NUP58: variants seen among roughly 807,000 people sequenced by gnomAD.
The protein encoded by NUP58 is nucleoporin p58/p45.
Under a neutral mutation model 70.1 loss-of-function variants are expected in NUP58, and 17 were observed. That is an observed-to-expected ratio of 0.24 (90% CI 0.17 to 0.36). The LOEUF (loss-of-function observed/expected upper bound fraction) is 0.36. Ranked by LOEUF, NUP58 falls within the 10% of genes least tolerant of loss-of-function variation. The probability of loss-of-function intolerance (pLI) is 1.00; values close to 1 mark genes in which losing one functional copy is unlikely to be tolerated. For missense variants in NUP58, 644 were observed against 701.5 expected, an observed-to-expected ratio of 0.92 and a Z score of 0.93; for synonymous variants, 275 against 257.6, an observed-to-expected ratio of 1.07 and a Z score of -0.65.
chr13:25,310,486 C>T (rs1460284138), intron 3 of NUP58, among the ~76,000 whole-genome samples: 3 of 144,030 alleles, frequency 2.1e-5, no homozygotes, highest in Non-Finnish European at 4.5e-5. Flanking sequence ...TTCCGAAGTG[C>T]TGGGATTACA....
intron 1 of NUP58, among the ~76,000 whole-genome samples, chr13:25,305,810 G>A (rs1453673440): frequency 6.6e-6 from 1 of 151,844 alleles, no homozygotes; most frequent in Non-Finnish European, 1.5e-5. Context: ...TTTCCTCCTT[G>A]TCTCCCAGTG....
At position 25,321,027 on chromosome 13, in the gene NUP58, G is replaced by T. The variant is rs144757090; in HGVS notation, c.885G>T (p.Ser295=). ...TTAAAGCTCTGAAGCAGCTCCTGTC[G>T]TTGGCTGCCAATGGAATACAGAGAA... The part of the protein sequence containing the change: ...EDIKALKQLL[S]LAANGIQRNT... Residue 295 remains serine (S), a synonymous_variant, in exon 9 of 16, where the codon TCG becomes TCT. Transcript: ENST00000381736. 6.2e-7 allele frequency: 1 copy of T among 1,600,568 alleles called. No individual in the cohort carries two copies. The highest frequency in any genetic ancestry group is 2.3e-5 in the East Asian group (1 of 43,910).
In NUP58 at chr13:25,331,390, A is replaced by G. The variant is rs1278125429; in HGVS notation, c.1267A>G (p.Met423Val). ...LKEQYLGYRK[M>V]FLGDAVDVFE... ...AGAACAGTACCTTGGCTACAGGAAA[A>G]TGTTCTTGGGAGATGCTGTTGATGT... Residue 423 changes from methionine (M) to valine (V), a missense_variant, in exon 13 of 16, where the codon ATG becomes GTG. Met to Val is a conservative substitution (Grantham distance 21, BLOSUM62 1). Around this residue, in one of 4 missense-constraint regions of NUP58, gnomAD observed 78 missense variants for 71.3 expected, o/e 1.09. Coordinates refer to ENST00000381736, the MANE Select transcript of NUP58 (RefSeq NM_014089.4). 15 of 1,613,980 alleles carry G rather than the reference A, an allele frequency of 9.3e-6. No homozygotes were observed. The highest frequency in any genetic ancestry group is 1.3e-5 in the Non-Finnish European group (15 of 1,180,006).
chr13:25,324,881 A>G (rs546785505), intron 9 of NUP58, 108 bp from the exon 10 acceptor site: 1 of 732,620 alleles, frequency 1.4e-6, no homozygotes, highest in Admixed American at 2.5e-5. Flanking sequence ...CCTCCAAGGT[A>G]TTGTTTGAAG....
At chr13:25,301,914 TCACCCC>T (rs765631683) in intron 1 of NUP58, 34 bp downstream of exon 1, 13 of 1,417,996 alleles carry the variant, frequency 9.2e-6, no homozygotes, top group Admixed American at 1.8e-5. Context: ...TGGGCCGGAT[TCACCCC>T]CACCCCCACC....
At chr13:25,325,243 C>T (rs963209035) in intron 10 of NUP58, among the ~76,000 whole-genome samples, 175 bp downstream of exon 10, 4 of 152,054 alleles carry the variant, frequency 2.6e-5, no homozygotes, top group African/African-American at 7.2e-5. Context: ...TCCATTAACA[C>T]CATTTGACTG....
chr13:25,304,874 C>T (rs1481019641), intron 1 of NUP58, among the ~76,000 whole-genome samples: 1 of 151,936 alleles, frequency 6.6e-6, no homozygotes, highest in Non-Finnish European at 1.5e-5. Flanking sequence ...TTACCCTACT[C>T]CACATTATAC....
chr13:25,326,907 T>C lies in NUP58; in HGVS notation c.1032-9T>C. The C allele has an allele frequency of 6.7e-7, 1 of 1,497,548 alleles. No homozygotes were observed. The highest frequency in any genetic ancestry group is 2.3e-5 in the East Asian group (1 of 43,884). 92.8% of individuals were successfully genotyped at this position (1,497,548 alleles called of 1,614,324 possible). On this transcript the variant is annotated splice_polypyrimidine_tract_variant and intron_variant, in intron 10 of 15. Coordinates refer to ENST00000381736, the MANE Select transcript of NUP58 (RefSeq NM_014089.4). ...ATATTTGATCTGACTTTTTAAATGT[T>C]TTTTAAAGCTACTTCAGAATCTTGG...
chr13:25,346,593 G>A (rs1274060131), downstream of NUP58, among the ~76,000 whole-genome samples: 2 of 151,928 alleles, frequency 1.3e-5, no homozygotes, highest in Non-Finnish European at 2.9e-5. Context: ...GGTGGCACAT[G>A]CCTATAATCT....
In NUP58 at chr13:25,348,124, C is replaced by G. The variant is rs2032071114; in HGVS notation, n.322-1438C>G. Among the ~76,000 whole-genome samples, 4 of 152,144 alleles carry G rather than the reference C, an allele frequency of 2.6e-5. No homozygotes were observed. The South Asian group carries it at 8.3e-4, about 31-fold the overall frequency. On this transcript the variant is annotated intron_variant and non_coding_transcript_variant, in intron 3 of 3. Transcript: ENST00000477876. ...CGTGATTGAGGAACTGAACTTTTAA[C>G]TTTAATTTTTATCTATTTAAATTTA...
chr13:25,312,742 C>G lies in NUP58; in HGVS notation c.287-141C>G, dbSNP rs905971828. On this transcript the variant is annotated intron_variant, in intron 3 of 15. Transcript: ENST00000381736. ...TAGTCTCAACTTTTACATATTTTCT[C>G]TCACAGATACACCCTTCTTCTATTG... 8.4e-6 allele frequency: 6 copies of G among 713,550 alleles called. No individual in the cohort carries two copies. In the East Asian group the frequency reaches 1.4e-4, roughly 17 times the overall value. The allele number at this position is 713,550 out of a possible 1,614,324, so 44.2% of individuals were successfully genotyped here.
At chr13:25,329,731 G>A (rs2031536016) in intron 12 of NUP58, among the ~76,000 whole-genome samples, 1 of 152,108 alleles carries the variant, frequency 6.6e-6, no homozygotes, top group South Asian at 2.1e-4. Context: ...ATTCTATCCA[G>A]CCAGGCCTCA....
At chr13:25,316,714 A>G (rs1298160426) in intron 6 of NUP58, among the ~76,000 whole-genome samples, 1 of 152,174 alleles carries the variant, frequency 6.6e-6, no homozygotes, top group Non-Finnish European at 1.5e-5. Context: ...TATTTTAAGC[A>G]TGAGAGTACT....
intron 1 of NUP58, among the ~76,000 whole-genome samples, chr13:25,304,649 T>C (rs912821520): frequency 6.6e-6 from 1 of 151,338 alleles, no homozygotes; most frequent in Non-Finnish European, 1.5e-5. Context: ...CCCAAATAGC[T>C]GGGATTACAG....
intron 1 of NUP58, 36 bp downstream of exon 1, chr13:25,301,916 AC>A (rs1247679416): frequency 2.3e-6 from 3 of 1,288,646 alleles, no homozygotes; most frequent in Non-Finnish European, 3.3e-6. Context: ...GGCCGGATTC[AC>A]CCCCACCCCC....
chr13:25,344,473 G>A (rs574448334), downstream of NUP58, among the ~76,000 whole-genome samples: 54 of 152,248 alleles, frequency 3.5e-4, no homozygotes, highest in Admixed American at 1.3e-3. Context: ...CATTGTAGCC[G>A]GATGCTTTAT....
At chr13:25,347,462 T>A (rs1206334091) in intron 3 of NUP58, among the ~76,000 whole-genome samples, 3 of 152,206 alleles carry the variant, frequency 2.0e-5, no homozygotes, top group African/African-American at 7.2e-5. Context: ...TAGGGTACAA[T>A]AAGTAAATCT....
At position 25,341,653 on chromosome 13, in the gene NUP58, C is replaced by T. The variant is rs1376897665; in HGVS notation, c.*1519C>T. 1.3e-5 allele frequency: 2 copies of T among 152,570 alleles called. No homozygotes were observed. Among genetic ancestry groups the T allele is most frequent in the Non-Finnish European group, 2.9e-5 (2 of 68,020 alleles). The allele number at this position is 152,570 out of a possible 1,614,324, so 9.5% of individuals were successfully genotyped here. ...CAGGTTGCATCTGTATATTTGACTA[C>T]ATTAGTATTAGTGACATCAGGTGGA... On this transcript the variant is annotated 3_prime_UTR_variant, in exon 16 of 16. Coordinates refer to ENST00000381736, the MANE Select transcript of NUP58 (RefSeq NM_014089.4).
intron 13 of NUP58, chr13:25,335,339 AAGGCTG>A (rs1405535438): frequency 5.1e-6 from 5 of 985,398 alleles, no homozygotes; most frequent in Non-Finnish European, 6.0e-6. Context: ...TACGACTTAC[AAGGCTG>A]AGGGCTGTGG....
Sources: gnomAD v4.1 joint callset for allele counts (sites outside exome capture counted in the v4.1 genomes callset) on GRCh38, gnomAD v4.1.1 for gene constraint, gnomAD v4.1.1 regional missense constraint, MANE v1.5 for transcripts, NCBI Gene and HGNC (gene_info 2026-07-23, HGNC 2026-07-21) for gene names.